Variants in SLC7A5 observed in about 807,000 individuals in gnomAD.
The protein encoded by SLC7A5 is large neutral amino acids transporter small subunit 1.
SLC7A5 carries 23 observed loss-of-function variants against 50.2 expected under a neutral mutation model. That is an observed-to-expected ratio of 0.46 (90% CI 0.33 to 0.65). The LOEUF is 0.65. Ranked by LOEUF, SLC7A5 falls within the 30% of genes least tolerant of loss-of-function variation. The pLI is 0.02. For missense variants in SLC7A5, 578 were observed against 684.4 expected, an observed-to-expected ratio of 0.84 and a Z score of 1.73; for synonymous variants, 393 against 330.6, an observed-to-expected ratio of 1.19 and a Z score of -2.05.
intron 9 of SLC7A5, 132 bp downstream of exon 9, chr16:87,834,282 C>A: frequency 1.2e-6 from 1 of 840,388 alleles, no homozygotes; most frequent in Non-Finnish European, 2.0e-6. Flanking sequence ...CTGGCGGACA[C>A]TGCAGTGACC....
In SLC7A5 at chr16:87,833,626, G is replaced by C. The variant is rs1333997174; in HGVS notation, c.1469-601C>G. 6.9e-6 allele frequency among the ~76,000 whole-genome samples: 1 copy of C among 145,130 alleles called. No homozygotes were observed. Among genetic ancestry groups the C allele is most frequent in the Admixed American group, 6.6e-5 (1 of 15,218 alleles). On this transcript the variant is annotated intron_variant, in intron 9 of 9. Transcript: ENST00000261622. This position sits in a 1 kb window ranked among gnomAD's most constrained non-coding sequence, Gnocchi z 6.0. Reference sequence around the variant, plus strand: ...TCTACCATGACCCTGGCGGTGATCAGAGTGTGGGGTAGGGGTGGGGGGTCT... The same window carrying C: ...TCTACCATGACCCTGGCGGTGATCACAGTGTGGGGTAGGGGTGGGGGGTCT...
Position 87,852,491 on chromosome 16 carries a change from T to A in SLC7A5, c.539-642A>T, listed in dbSNP as rs778516122. Among the ~76,000 whole-genome samples, 1 of 152,106 alleles carries A rather than the reference T, an allele frequency of 6.6e-6. No individual in the cohort carries two copies. The highest frequency in any genetic ancestry group is 1.5e-5 in the Non-Finnish European group (1 of 68,010). ...TACGATGAAACCCAAAATAGCACCG[T>A]GTGCTTCAGAAGCCTGAGTGACCCC... On this transcript the variant is annotated intron_variant, in intron 1 of 9. Transcript: ENST00000261622. This position sits in a 1 kb window ranked among gnomAD's most constrained non-coding sequence, Gnocchi z 4.5.
chr16:87,854,072 G>GT (rs1555515355), intron 1 of SLC7A5: 10 of 89,428 alleles, frequency 1.1e-4, no homozygotes, highest in Middle Eastern at 5.3e-3. Flanking sequence ...GGACCCCCCC[G>GT]CCCCCCCCCC....
chr16:87,868,893 A>T lies in SLC7A5; in HGVS notation c.530T>A (p.Leu177His), dbSNP rs767612351. 1 of 1,607,604 alleles carries T rather than the reference A, an allele frequency of 6.2e-7. No homozygotes were observed. The highest frequency in any genetic ancestry group is 8.5e-7 in the Non-Finnish European group (1 of 1,177,978). Residue 177 changes from leucine (L) to histidine (H), a missense_variant, in exon 1 of 10, where the codon CTC (leucine) becomes CAC (histidine). Leu to His is a moderately conservative substitution (Grantham distance 99, BLOSUM62 -3). This residue lies in a region of SLC7A5 where 465 missense variants were observed against 594.6 expected (regional missense o/e 0.78). Transcript: ENST00000261622. ...CCGCGCCCCGTACTCACGCACGCAG[A>T]GGCAGGCCACGAGCTTGGCTGCCTC... Reference protein sequence around the residue: ...PEEAAKLVACLCVLLLTAVNC... With the variant: ...PEEAAKLVACHCVLLLTAVNC...
At chr16:87,838,660 C>T in intron 6 of SLC7A5, 54 bp downstream of exon 6, 1 of 1,312,824 alleles carries the variant, frequency 7.6e-7, no homozygotes, top group Non-Finnish European at 1.1e-6. Context: ...ACATGTTGAA[C>T]CTGGCCATGA....
rs879766630 is a variant in SLC7A5, at chr16:87,834,422, T to C, written c.1460A>G (p.Gln487Arg). 20 of 1,554,000 alleles carry C rather than the reference T, an allele frequency of 1.3e-5. No homozygotes were observed. In the Admixed American group the frequency reaches 3.3e-4, roughly 26 times the overall value. Residue 487 changes from glutamine (Q) to arginine (R), a missense_variant, in exon 9 of 10, where the codon CAG becomes CGG. Gln to Arg is a conservative substitution (Grantham distance 43, BLOSUM62 1). Transcript: ENST00000261622. ...GCCAGCGAGATACTCACAGATGCCC[T>C]GGAGGAGCCACTTGGGCTTGTTTTT... is the stretch of plus-strand genomic sequence containing the variant. ...WWKNKPKWLL[Q>R]GIFSTTVLCQ... is the part of the protein sequence containing the mutation.
Position 87,862,830 on chromosome 16 carries a change from G to A in SLC7A5, c.538+6055C>T, listed in dbSNP as rs190811782. ...CTTTTGGCCTGATGCTAGCTGGACAGTGTCTCAGCTCACAGGTTCCTAAAC... is the reference window on the plus strand; with the variant it reads ...CTTTTGGCCTGATGCTAGCTGGACAATGTCTCAGCTCACAGGTTCCTAAAC... On this transcript the variant is annotated intron_variant, in intron 1 of 9. Transcript: ENST00000261622. The surrounding 1 kb of genome is among the most constrained non-coding windows in gnomAD (Gnocchi z 5.3). 1.3e-5 allele frequency among the ~76,000 whole-genome samples: 2 copies of A among 152,236 alleles called. No homozygotes were observed. The highest frequency in any genetic ancestry group is 1.5e-5 in the Non-Finnish European group (1 of 68,036).
intron 1 of SLC7A5, among the ~76,000 whole-genome samples, chr16:87,867,108 T>C (rs1278353986): frequency 1.3e-5 from 2 of 152,014 alleles, no homozygotes; most frequent in Non-Finnish European, 2.9e-5. Context: ...TTAGTAGAGA[T>C]GGGGTTTCAC....
At position 87,832,526 on chromosome 16, in the gene SLC7A5, G is replaced by A. The variant is rs1030821999; in HGVS notation, c.*444C>T. On this transcript the variant is annotated 3_prime_UTR_variant, in exon 10 of 10. Coordinates refer to ENST00000261622, the MANE Select transcript of SLC7A5 (RefSeq NM_003486.7). This position sits in a 1 kb window ranked among gnomAD's most constrained non-coding sequence, Gnocchi z 4.6. ...GGGCAGCTGTCCGGCTTCAGTGCAA[G>A]TCTGTGGTAGCAATGAGGTTCCAAG... 3 of 153,786 alleles carry A rather than the reference G, an allele frequency of 2.0e-5. No individual in the cohort carries two copies. Among genetic ancestry groups the A allele is most frequent in the Non-Finnish European group, 2.9e-5 (2 of 69,190 alleles). 9.5% of individuals were successfully genotyped at this position (153,786 alleles called of 1,614,324 possible). A position where few individuals can be genotyped will look rare whatever the true frequency, so the allele number is the denominator to read the frequency against.
intron 2 of SLC7A5, among the ~76,000 whole-genome samples, chr16:87,848,524 C>G (rs1308754073): frequency 6.6e-6 from 1 of 152,210 alleles, no homozygotes; most frequent in Non-Finnish European, 1.5e-5. Context: ...ACTGTAGAAC[C>G]TCATGTGACA....
At chr16:87,843,019 G>GC (rs1374841499) in intron 2 of SLC7A5, among the ~76,000 whole-genome samples, 1 of 152,120 alleles carries the variant, frequency 6.6e-6, no homozygotes. Context: ...ATGCAGACCT[G>GC]CCAGGCTGCT....
At chr16:87,836,205 C>T (rs573695632) in intron 8 of SLC7A5, among the ~76,000 whole-genome samples, 3 of 152,372 alleles carry the variant, frequency 2.0e-5, no homozygotes, top group Admixed American at 2.0e-4. Flanking sequence ...CCTGCCGGGG[C>T]TCACCACCGC....
intron 2 of SLC7A5, among the ~76,000 whole-genome samples, chr16:87,848,115 T>TCTTTCCCC (rs2055176260): frequency 7.0e-6 from 1 of 142,818 alleles, no homozygotes; most frequent in Non-Finnish European, 1.5e-5. Flanking sequence ...TCTTTCCTTT[T>TCTTTCCCC]TGTGGACAGA....
At chr16:87,856,119 G>A (rs1226010613) in intron 1 of SLC7A5, among the ~76,000 whole-genome samples, 1 of 152,172 alleles carries the variant, frequency 6.6e-6, no homozygotes, top group Non-Finnish European at 1.5e-5. Flanking sequence ...GTCCAGCCCA[G>A]GCAGGCATCC....
intron 1 of SLC7A5, 98 bp downstream of exon 1, chr16:87,868,787 A>C: frequency 2.5e-5 from 32 of 1,257,128 alleles, no homozygotes; most frequent in Non-Finnish European, 3.3e-5. Flanking sequence ...CAGGAACGTA[A>C]AGATGTAGAG....
rs573095961 is a variant in SLC7A5, at chr16:87,833,443, C to G, written c.1469-418G>C. ...AGGGCCGGAGGGGCCAATCTGCTAA[C>G]GGGTCCTCGGAAGACCTGTCGCGCC... is the stretch of plus-strand genomic sequence containing the variant. On this transcript the variant is annotated intron_variant, in intron 9 of 9. Transcript: ENST00000261622. The surrounding 1 kb of genome is among the most constrained non-coding windows in gnomAD (Gnocchi z 6.0). 3.3e-5 allele frequency among the ~76,000 whole-genome samples: 5 copies of G among 152,206 alleles called. No individual in the cohort carries two copies. Among genetic ancestry groups the G allele is most frequent in the African/African-American group, 1.2e-4 (5 of 41,454 alleles).
At position 87,841,135 on chromosome 16, in the gene SLC7A5, G is replaced by C. The variant is rs1301096662; in HGVS notation, c.685C>G (p.Pro229Ala). Reference sequence around the variant, plus strand: ...TTGGTGCCTTCAAATGAGAAGTTGGGATCTAGATTGGACACATCACCTGGC... The same window carrying C: ...TTGGTGCCTTCAAATGAGAAGTTGGCATCTAGATTGGACACATCACCTGGC... ...IGKGDVSNLD[P>A]NFSFEGTKLD... The change falls in exon 3 of 10, where the codon CCC (proline) becomes GCC (alanine). Residue 229 changes from proline to alanine, a missense_variant. Physicochemically the swap from Pro to Ala is conservative, Grantham distance 27. Coordinates refer to ENST00000261622, the MANE Select transcript of SLC7A5 (RefSeq NM_003486.7). The surrounding 1 kb of genome is among the most constrained non-coding windows in gnomAD (Gnocchi z 4.8). 2.5e-6 allele frequency: 4 copies of C among 1,613,132 alleles called. No homozygotes were observed. The highest frequency in any genetic ancestry group is 3.4e-6 in the Non-Finnish European group (4 of 1,179,332).
chr16:87,844,284 G>A (rs372998966), intron 2 of SLC7A5, among the ~76,000 whole-genome samples: 1 of 152,142 alleles, frequency 6.6e-6, no homozygotes, highest in Non-Finnish European at 1.5e-5. Flanking sequence ...AACTGCAAAC[G>A]CCGCGGCGAC....
intron 1 of SLC7A5, among the ~76,000 whole-genome samples, chr16:87,857,803 CAT>C (rs779064505): frequency 5.4e-4 from 82 of 152,352 alleles, no homozygotes; most frequent in African/African-American, 1.4e-3. Flanking sequence ...CCCTTGAACA[CAT>C]GTCTTTGTAC....
Sources: allele counts gnomAD v4.1 joint callset (sites outside exome capture counted in the v4.1 genomes callset), GRCh38; gene constraint gnomAD v4.1.1; regional missense constraint gnomAD v4.1.1; non-coding constraint Gnocchi (gnomAD v3.1); transcripts MANE v1.5; gene names NCBI Gene and HGNC (gene_info 2026-07-23, HGNC 2026-07-21).